The following CAMKMT variants were observed in gnomAD, a reference collection of about 807,000 sequenced individuals.
CAMKMT encodes CaM KMT.
In CAMKMT, 53 loss-of-function variants were observed where a neutral mutation model predicts 48.0. The observed-to-expected ratio is 1.10, with a 90% CI of 0.89 to 1.39. The LOEUF (loss-of-function observed/expected upper bound fraction) is 1.39. Ranked by LOEUF, CAMKMT falls within the 40% of genes most tolerant of loss-of-function variation. The pLI, the probability that CAMKMT is intolerant of heterozygous loss-of-function variation, is 0.00. For synonymous variants in CAMKMT, 165 were observed against 152.3 expected (o/e 1.08, Z -0.61); for missense variants, 428 against 402.7 (o/e 1.06, Z -0.54).
Position 44,673,524 on chromosome 2 carries a change from G to GGGAAGGAAGGAA in CAMKMT, c.377-30750_377-30749insGAAGGAAGGAAG, listed in dbSNP as rs1553435805. Among the ~76,000 whole-genome samples, 184 of 58,282 alleles carry GGGAAGGAAGGAA rather than the reference G, an allele frequency of 3.2e-3. 1 individual carries two copies. The highest frequency in any genetic ancestry group is 0.012 in the African/African-American group (177 of 15,360). The allele number at this position is 58,282 out of a possible 152,430, so 38.2% of individuals were successfully genotyped here. A position where few individuals can be genotyped will look rare whatever the true frequency, so the allele number is the denominator to read the frequency against. ...AAGGAAGGAAGGAAGGAAGGAAGGA[G>GGGAAGGAAGGAA]GGAAGGAAGAAATCTATACACCCAA... On this transcript the variant is annotated intron_variant, in intron 3 of 10. Coordinates refer to ENST00000378494, the MANE Select transcript of CAMKMT (RefSeq NM_024766.5).
intron 3 of CAMKMT, among the ~76,000 whole-genome samples, chr2:44,472,144 A>C (rs974519688): frequency 6.6e-6 from 1 of 152,032 alleles, no homozygotes; most frequent in Admixed American, 6.6e-5. Context: ...AATCTCGGCT[A>C]ACTGCAAGCT....
chr2:44,442,533 T>C (rs1666731007), intron 3 of CAMKMT, among the ~76,000 whole-genome samples: 1 of 152,224 alleles, frequency 6.6e-6, no homozygotes, highest in East Asian at 1.9e-4. Flanking sequence ...CTAAGCCATA[T>C]TGTATTCCTC....
chr2:44,384,092 C>T (rs1038197413), intron 2 of CAMKMT, among the ~76,000 whole-genome samples: 5 of 152,202 alleles, frequency 3.3e-5, no homozygotes, highest in African/African-American at 1.2e-4. Context: ...TTCCCACCAG[C>T]AGTGTAGAGG....
chr2:44,606,908 C>G (rs1291238433), intron 3 of CAMKMT, among the ~76,000 whole-genome samples: 1 of 152,076 alleles, frequency 6.6e-6, no homozygotes. Context: ...CCTACCCGCC[C>G]TTCCATTTTC....
intron 2 of CAMKMT, among the ~76,000 whole-genome samples, chr2:44,375,713 A>G (rs1388192504): frequency 6.6e-6 from 1 of 152,150 alleles, no homozygotes; most frequent in Admixed American, 6.5e-5. Context: ...TACTGAGAAG[A>G]GGCCATTGCA....
intron 3 of CAMKMT, among the ~76,000 whole-genome samples, chr2:44,603,207 G>C (rs1671099287): frequency 6.6e-6 from 1 of 151,986 alleles, no homozygotes; most frequent in African/African-American, 2.4e-5. Context: ...TCGTGCCTCA[G>C]CCTCCTGAGT....
chr2:44,430,814 G>C (rs912991432), intron 3 of CAMKMT, among the ~76,000 whole-genome samples: 1 of 152,106 alleles, frequency 6.6e-6, no homozygotes, highest in Non-Finnish European at 1.5e-5. Context: ...GGTGGCAAAT[G>C]TAGCATATCC....
intron 3 of CAMKMT, among the ~76,000 whole-genome samples, chr2:44,688,637 C>T (rs1040084080): frequency 6.6e-6 from 1 of 152,060 alleles, no homozygotes; most frequent in Non-Finnish European, 1.5e-5. Context: ...TGTAAATTTG[C>T]TGAGTAGTGT....
chr2:44,542,500 C>G (rs1667173954), intron 3 of CAMKMT, among the ~76,000 whole-genome samples: 1 of 27,196 alleles, frequency 3.7e-5, no homozygotes, highest in Non-Finnish European at 1.3e-4. Context: ...TACACATACA[C>G]ACACACACAC....
At chr2:44,600,085 TGTTA>T (rs1403600857) in intron 3 of CAMKMT, among the ~76,000 whole-genome samples, 1 of 152,116 alleles carries the variant, frequency 6.6e-6, no homozygotes, top group Non-Finnish European at 1.5e-5. Flanking sequence ...TTAGAAAGGC[TGTTA>T]GTTATTTCTG....
intron 3 of CAMKMT, among the ~76,000 whole-genome samples, chr2:44,405,254 A>G (rs1248777429): frequency 6.6e-6 from 1 of 152,112 alleles, no homozygotes; most frequent in Non-Finnish European, 1.5e-5. Flanking sequence ...ATATAGCACT[A>G]TTTGGACTGG....
chr2:44,753,981 G>A, intron 8 of CAMKMT, 74 bp from the exon 9 acceptor site: 3 of 1,043,360 alleles, frequency 2.9e-6, no homozygotes, highest in Admixed American at 1.8e-5. Flanking sequence ...AATTAGCCTT[G>A]TACTTATCTC....
chr2:44,514,714 G>A (rs748633357), intron 3 of CAMKMT, among the ~76,000 whole-genome samples: 6 of 152,194 alleles, frequency 3.9e-5, no homozygotes, highest in Non-Finnish European at 5.9e-5. Flanking sequence ...GGCAGATAGA[G>A]TAAGTAAGTT....
chr2:44,698,368 G>C (rs1386098134), intron 3 of CAMKMT, among the ~76,000 whole-genome samples: 1 of 152,094 alleles, frequency 6.6e-6, no homozygotes, highest in African/African-American at 2.4e-5. Flanking sequence ...CTTTGTAACT[G>C]GTTTCTTTCA....
At chr2:44,660,611 T>A (rs1674627844) in intron 3 of CAMKMT, among the ~76,000 whole-genome samples, 1 of 152,128 alleles carries the variant, frequency 6.6e-6, no homozygotes, top group African/African-American at 2.4e-5. Flanking sequence ...ATCTGGCCAA[T>A]ATATTTTTTT....
intron 3 of CAMKMT, among the ~76,000 whole-genome samples, chr2:44,403,202 T>C (rs1320669747): frequency 1.3e-5 from 2 of 152,190 alleles, no homozygotes; most frequent in Non-Finnish European, 2.9e-5. Context: ...AGTTTGCTGC[T>C]TTGGGCAGTA....
rs115417585 is a variant in CAMKMT, at chr2:44,579,503, C to A, written c.377-124780C>A. On this transcript the variant is annotated intron_variant, in intron 3 of 10. Transcript: ENST00000378494. ...TACATCACATTCTTTGACTCTATTG[C>A]GAGGTAGAAGCTGCATGGAAAGAAA... Among the ~76,000 whole-genome samples the A allele has an allele frequency of 4.6e-5, 7 of 152,102 alleles. No homozygotes were observed. The South Asian group carries it at 1.2e-3, about 27-fold the overall frequency.
chr2:44,586,304 G>A (rs553970790), intron 3 of CAMKMT, among the ~76,000 whole-genome samples: 1 of 151,784 alleles, frequency 6.6e-6, no homozygotes, highest in South Asian at 2.1e-4. Context: ...TGTACAATTT[G>A]ATAAGTTTTA....
At chr2:44,705,237 C>G in intron 4 of CAMKMT, 1 of 366,310 alleles carries the variant, frequency 2.7e-6, no homozygotes, top group Non-Finnish European at 3.8e-6. Context: ...TATTAATGTC[C>G]TTGCTTGGCT....
Sources: gnomAD v4.1 joint callset for allele counts (sites outside exome capture counted in the v4.1 genomes callset) on GRCh38, gnomAD v4.1.1 for gene constraint, MANE v1.5 for transcripts, NCBI Gene and HGNC (gene_info 2026-07-23, HGNC 2026-07-21) for gene names.